The following ROBO1 variants were observed in gnomAD, a reference collection of about 807,000 sequenced individuals.
ROBO1 encodes roundabout guidance receptor 1.
ROBO1 carries 149 observed loss-of-function variants against 195.9 expected under a neutral mutation model. The ratio of observed to expected loss-of-function variants is 0.76; its 90% confidence interval spans 0.67 to 0.87. The LOEUF (loss-of-function observed/expected upper bound fraction) is 0.87, where lower values mean the gene tolerates loss of function less well. Ranked by LOEUF, ROBO1 falls within the 40% of genes least tolerant of loss-of-function variation. The probability of loss-of-function intolerance (pLI) is 0.00; values close to 1 mark genes in which losing one functional copy is unlikely to be tolerated. For missense variants in ROBO1, 1,933 were observed against 2,068.3 expected (o/e 0.93, Z 1.27); for synonymous variants, 816 against 733.2 (o/e 1.11, Z -1.82).
chr3:79,189,980 T>G, intron 2 of ROBO1, among the ~76,000 whole-genome samples: 1 of 151,702 alleles, frequency 6.6e-6, no homozygotes, highest in East Asian at 1.9e-4. Flanking sequence ...CAGATTTCTA[T>G]ACTATACATC....
At chr3:78,904,094 CTA>C (rs1476696163) in intron 4 of ROBO1, among the ~76,000 whole-genome samples, 1 of 151,600 alleles carries the variant, frequency 6.6e-6, no homozygotes, top group Admixed American at 6.6e-5. Context: ...AGTTAGATAA[CTA>C]TGACTATTAT....
At chr3:79,079,842 T>G (rs1302311676) in intron 3 of ROBO1, among the ~76,000 whole-genome samples, 1 of 151,836 alleles carries the variant, frequency 6.6e-6, no homozygotes, top group Non-Finnish European at 1.5e-5. Flanking sequence ...CGATAGTCCA[T>G]TTTTAAAAGT....
intron 2 of ROBO1, among the ~76,000 whole-genome samples, chr3:79,286,274 A>T (rs2031877099): frequency 6.6e-6 from 1 of 152,200 alleles, no homozygotes; most frequent in African/African-American, 2.4e-5. Flanking sequence ...CAACTTTCCC[A>T]TAAAATCCTT....
At chr3:78,719,792 C>T (rs6787349) in intron 5 of ROBO1, among the ~76,000 whole-genome samples, 44,098 of 151,904 alleles carry the variant, frequency 0.29, 6,857 homozygotes, top group African/African-American at 0.4. Flanking sequence ...TCATTCTTCC[C>T]GCTTATGAAC....
chr3:78,743,608 TA>T (rs143228406), intron 5 of ROBO1, among the ~76,000 whole-genome samples: 11,242 of 152,196 alleles, frequency 0.074, 841 homozygotes, highest in African/African-American at 0.2. Flanking sequence ...CTATATGTGC[TA>T]AAAAAATCCT....
At chr3:78,883,805 T>A (rs1205023752) in intron 4 of ROBO1, among the ~76,000 whole-genome samples, 1 of 152,202 alleles carries the variant, frequency 6.6e-6, no homozygotes, top group Non-Finnish European at 1.5e-5. Context: ...CTATCTGACA[T>A]CTAAAGTTTT....
At chr3:79,067,316 T>C (rs906112111) in intron 3 of ROBO1, among the ~76,000 whole-genome samples, 2 of 151,906 alleles carry the variant, frequency 1.3e-5, no homozygotes, top group Admixed American at 1.3e-4. Context: ...TCAAGTGAAG[T>C]TAATATGGGG....
chr3:79,758,136 T>C (rs543465021), intron 1 of ROBO1, among the ~76,000 whole-genome samples: 122 of 152,322 alleles, frequency 8.0e-4, no homozygotes, highest in Non-Finnish European at 1.5e-3. Flanking sequence ...TAAAACTATT[T>C]TATTCATAAA....
At chr3:78,822,068 A>G (rs917429856) in intron 4 of ROBO1, among the ~76,000 whole-genome samples, 19 of 149,728 alleles carry the variant, frequency 1.3e-4, no homozygotes, top group Middle Eastern at 3.4e-3. Flanking sequence ...ATTATACATC[A>G]GTCTCTGGGA....
intron 2 of ROBO1, among the ~76,000 whole-genome samples, chr3:79,479,088 C>T (rs1938694205): frequency 6.6e-6 from 1 of 152,186 alleles, no homozygotes; most frequent in South Asian, 2.1e-4. Flanking sequence ...TTAGCATAGG[C>T]TCTAAGCAGA....
At chr3:79,683,895 A>C (rs1266404478) in intron 1 of ROBO1, among the ~76,000 whole-genome samples, 1 of 152,148 alleles carries the variant, frequency 6.6e-6, no homozygotes, top group Non-Finnish European at 1.5e-5. Flanking sequence ...ATTATGAATA[A>C]TACTCTTATG....
intron 5 of ROBO1, among the ~76,000 whole-genome samples, chr3:78,738,828 A>T (rs930037463): frequency 3.3e-5 from 5 of 152,236 alleles, no homozygotes; most frequent in Non-Finnish European, 5.9e-5. Context: ...GAATGGATAA[A>T]ATCTTAATTC....
chr3:79,494,748 A>G (rs940413158), intron 2 of ROBO1, among the ~76,000 whole-genome samples: 5 of 152,196 alleles, frequency 3.3e-5, no homozygotes, highest in African/African-American at 2.4e-5. Context: ...ATAGAAAACA[A>G]TTTCAAGATA....
intron 4 of ROBO1, among the ~76,000 whole-genome samples, chr3:78,763,907 T>C (rs2083165691): frequency 6.6e-6 from 1 of 152,174 alleles, no homozygotes; most frequent in African/African-American, 2.4e-5. Flanking sequence ...ACATTTTAAT[T>C]GCTTAAGGTT....
chr3:79,691,927 G>C (rs547154159), intron 1 of ROBO1, among the ~76,000 whole-genome samples: 1 of 151,794 alleles, frequency 6.6e-6, no homozygotes, highest in East Asian at 1.9e-4. Flanking sequence ...GCTTAGTTTT[G>C]TATTAGACAG....
intron 1 of ROBO1, among the ~76,000 whole-genome samples, chr3:79,739,230 T>C (rs950867536): frequency 6.6e-6 from 1 of 152,164 alleles, no homozygotes; most frequent in Non-Finnish European, 1.5e-5. Context: ...ATGTATGAGA[T>C]GAACAAGAGA....
intron 1 of ROBO1, among the ~76,000 whole-genome samples, chr3:79,679,998 A>G (rs544579746): frequency 6.6e-6 from 1 of 152,112 alleles, no homozygotes; most frequent in Admixed American, 6.6e-5. Context: ...TATGCTTCCA[A>G]TAACCCCCAA....
At chr3:79,760,318 C>G (rs1213681513) in intron 1 of ROBO1, among the ~76,000 whole-genome samples, 2 of 123,900 alleles carry the variant, frequency 1.6e-5, no homozygotes, top group Non-Finnish European at 3.3e-5. Context: ...TATTTTATGA[C>G]TTCACCATAA....
At chr3:79,364,121 G>A (rs1006381894) in intron 2 of ROBO1, among the ~76,000 whole-genome samples, 1 of 151,726 alleles carries the variant, frequency 6.6e-6, no homozygotes, top group Non-Finnish European at 1.5e-5. Context: ...GGAGAATGGC[G>A]TGAACCCGGG....
Sources: gnomAD v4.1 joint callset for allele counts (sites outside exome capture counted in the v4.1 genomes callset) on GRCh38, gnomAD v4.1.1 for gene constraint, MANE v1.5 for transcripts, NCBI Gene and HGNC (gene_info 2026-07-23, HGNC 2026-07-21) for gene names.